Variants in PTPRB observed in about 807,000 individuals in gnomAD.
The protein encoded by PTPRB is protein tyrosine phosphatase receptor type B.
PTPRB carries 97 observed loss-of-function variants against 238.1 expected under a neutral mutation model. The observed-to-expected ratio is 0.41, with a 90% confidence interval of 0.35 to 0.48. The LOEUF (loss-of-function observed/expected upper bound fraction) is 0.48. PTPRB is among the 20% of genes least tolerant of loss of function. The pLI is 0.30. For missense variants in PTPRB, 2,292 were observed against 2,681.9 expected (o/e 0.85, Z 3.21); for synonymous variants, 970 against 995.4 (o/e 0.97, Z 0.48).
At chr12:70,622,151 TAC>T (rs1166264943) in intron 3 of PTPRB, among the ~76,000 whole-genome samples, 1 of 152,202 alleles carries the variant, frequency 6.6e-6, no homozygotes, top group Non-Finnish European at 1.5e-5. Flanking sequence ...ATGGCCAACA[TAC>T]AGTTATTCCA....
chr12:70,530,069 TATC>T (rs1872962040), intron 32 of PTPRB, among the ~76,000 whole-genome samples: 1 of 152,038 alleles, frequency 6.6e-6, no homozygotes, highest in Non-Finnish European at 1.5e-5. Flanking sequence ...AACAAATAAA[TATC>T]ATGGAAAACA....
rs201851289 is a variant in PTPRB at position 70,596,004 on chromosome 12, A to G, written c.1258+45T>C. On this transcript the variant is annotated intron_variant, in intron 5 of 33. Coordinates refer to ENST00000334414, the MANE Select transcript of PTPRB (RefSeq NM_001109754.4). ...ATTCCTTGAATAAAGTATAACTTGAAAAGTATCCTATTAACTACTCAGCTA... is the reference window on the plus strand; with the variant it reads ...ATTCCTTGAATAAAGTATAACTTGAGAAGTATCCTATTAACTACTCAGCTA... The G allele has an allele frequency of 1.2e-5, 17 of 1,425,232 alleles. No homozygotes were observed. In the Admixed American group the frequency reaches 3.0e-4, roughly 25 times the overall value. 88.3% of individuals were successfully genotyped at this position (1,425,232 alleles called of 1,614,324 possible). A position where few individuals can be genotyped will look rare whatever the true frequency, so the allele number is the denominator to read the frequency against.
intron 5 of PTPRB, 28 bp from the exon 6 acceptor site, chr12:70,594,752 G>C: frequency 6.2e-7 from 1 of 1,610,944 alleles, no homozygotes; most frequent in Non-Finnish European, 8.5e-7. Context: ...ATGTCCAAAT[G>C]TCATTAATAA....
chr12:70,614,280 A>T (rs1444486095), intron 3 of PTPRB, among the ~76,000 whole-genome samples: 5 of 152,124 alleles, frequency 3.3e-5, no homozygotes, highest in Non-Finnish European at 5.9e-5. Context: ...TTATACCCTA[A>T]ACCCTGTACT....
At chr12:70,592,024 G>A in intron 7 of PTPRB, 1 of 529,860 alleles carries the variant, frequency 1.9e-6, no homozygotes, top group Non-Finnish European at 3.4e-6. Context: ...TGGTATCAAT[G>A]CTAATGCATT....
chr12:70,532,294 C>T, intron 31 of PTPRB, 124 bp from the exon 32 acceptor site: 4 of 1,250,452 alleles, frequency 3.2e-6, no homozygotes, highest in Non-Finnish European at 4.3e-6. Context: ...AGGAATATTT[C>T]TTTCTCTCAA....
At chr12:70,537,502 A>AT (rs1485145755) in intron 28 of PTPRB, among the ~76,000 whole-genome samples, 20 of 152,258 alleles carry the variant, frequency 1.3e-4, no homozygotes, top group South Asian at 6.2e-4. Context: ...ATCTTATCCC[A>AT]TGCCTGTAAA....
rs761685924 is a variant in PTPRB at position 70,544,700 on chromosome 12, T to C, written c.5388-37A>G. On this transcript the variant is annotated intron_variant, in intron 21 of 33. Transcript: ENST00000334414. ...ACCGATTTATTTAAATATAAATTAG[T>C]TGTTGAACACAGTAGCTGAAAAATG... 3.1e-5 allele frequency: 44 copies of C among 1,413,148 alleles called. No homozygotes were observed. In the South Asian group the frequency reaches 5.3e-4, roughly 17 times the overall value. 87.5% of individuals were successfully genotyped at this position (1,413,148 alleles called of 1,614,324 possible).
chr12:70,613,895 A>T (rs181601650), intron 3 of PTPRB, among the ~76,000 whole-genome samples: 1 of 152,296 alleles, frequency 6.6e-6, no homozygotes. Flanking sequence ...TAGAATCTTA[A>T]ATACTATCCT....
Position 70,609,180 on chromosome 12 carries a change from G to A in PTPRB, c.868C>T (p.Arg290Trp), listed in dbSNP as rs910802831. 6.2e-7 allele frequency: 1 copy of A among 1,613,920 alleles called. No homozygotes were observed. Among genetic ancestry groups the A allele is most frequent in the African/African-American group, 1.3e-5 (1 of 74,930 alleles). The change falls in exon 4 of 34, where the codon CGG (arginine) becomes TGG (tryptophan). Residue 290 changes from arginine to tryptophan, a missense_variant. Coordinates refer to ENST00000334414, the MANE Select transcript of PTPRB (RefSeq NM_001109754.4). ...TLGAALCPTFRIDNTTYGCNL... is the reference protein window; with the variant it reads ...TLGAALCPTFWIDNTTYGCNL... Reference sequence around the variant, plus strand: ...CATCCGTATGTGGTGTTGTCTATCCGAAAGGTAGGGCACAACGCGGCCCCC... The same window carrying A: ...CATCCGTATGTGGTGTTGTCTATCCAAAAGGTAGGGCACAACGCGGCCCCC...
At chr12:70,593,475 T>C (rs1214113350) in intron 6 of PTPRB, among the ~76,000 whole-genome samples, 1 of 134,512 alleles carries the variant, frequency 7.4e-6, no homozygotes, top group East Asian at 2.1e-4. Context: ...ATCGCACCAT[T>C]GCACTCCAGC....
rs772375014 is a variant in PTPRB, at chr12:70,592,203, T to C, written c.1780+79A>G. 16 of 1,583,092 alleles carry C rather than the reference T, an allele frequency of 1.0e-5. No individual in the cohort carries two copies. In the African/African-American group the frequency reaches 2.2e-4, roughly 21 times the overall value. On this transcript the variant is annotated intron_variant, in intron 7 of 33. Transcript: ENST00000334414. ...CAGATTGGGAAAGGAGTTTTCCTGCTGACTTATTTTGTCCTATTTTAAGGT... is the reference window on the plus strand; with the variant it reads ...CAGATTGGGAAAGGAGTTTTCCTGCCGACTTATTTTGTCCTATTTTAAGGT...
intron 2 of PTPRB, among the ~76,000 whole-genome samples, chr12:70,629,212 C>T (rs957324623): frequency 6.6e-6 from 1 of 152,078 alleles, no homozygotes; most frequent in African/African-American, 2.4e-5. Flanking sequence ...TACTCCTCAG[C>T]AAATGTAAAA....
At position 70,594,471 on chromosome 12, in the gene PTPRB, C is replaced by G. The variant is rs1312370516; in HGVS notation, c.1512G>C (p.Arg504Ser). The change falls in exon 6 of 34, where the codon AGG (arginine) becomes AGC (serine). Residue 504 changes from arginine to serine, a missense_variant. Around this residue, in one of 4 missense-constraint regions of PTPRB, gnomAD observed 1,205 missense variants for 1,287.8 expected, o/e 0.94. Coordinates refer to ENST00000334414, the MANE Select transcript of PTPRB (RefSeq NM_001109754.4). ...GLQNYRWKLV[R>S]TAPMEVSNLK... ...AGCTAGCTAGGGGGAACTTACCTGTCCTGACTAGTTTCCACCTGTAGTTTT... is the reference window on the plus strand; with the variant it reads ...AGCTAGCTAGGGGGAACTTACCTGTGCTGACTAGTTTCCACCTGTAGTTTT... 1.2e-6 allele frequency: 2 copies of G among 1,613,962 alleles called. No homozygotes were observed. Among genetic ancestry groups the G allele is most frequent in the South Asian group, 1.1e-5 (1 of 91,080 alleles).
Position 70,519,180 on chromosome 12 carries a change from C to G in PTPRB, c.*2309G>C, listed in dbSNP as rs1871419809. ...CCCTGTCATGTCCATTTACATAATT[C>G]TGATACTACCCTAGATGTTGCCAGA... On this transcript the variant is annotated 3_prime_UTR_variant, in exon 34 of 34. Transcript: ENST00000334414. 1 of 152,088 alleles carries G rather than the reference C, an allele frequency of 6.6e-6. No individual in the cohort carries two copies. The highest frequency in any genetic ancestry group is 2.4e-5 in the African/African-American group (1 of 41,396). 9.4% of individuals were successfully genotyped at this position (152,088 alleles called of 1,614,324 possible). A position where few individuals can be genotyped will look rare whatever the true frequency, so the allele number is the denominator to read the frequency against.
chr12:70,539,733 A>G (rs1192710310), intron 25 of PTPRB, 27 bp from the exon 26 acceptor site: 1 of 1,598,276 alleles, frequency 6.3e-7, no homozygotes, highest in Non-Finnish European at 8.6e-7. Flanking sequence ...AACAAACAGA[A>G]AAGAGTTACT....
intron 14 of PTPRB, among the ~76,000 whole-genome samples, chr12:70,567,100 A>G (rs1879403484): frequency 1.3e-5 from 2 of 152,172 alleles, no homozygotes. Flanking sequence ...ACTAACATTA[A>G]CTAAGGTCAA....
rs1412933973 is a variant in PTPRB, at chr12:70,556,053, T to A, written c.4810A>T (p.Ser1604Cys). ...IPPDSDFDGY[S>C]IECRKMDTQE... ...GTGTCCATTTTCCGGCATTCAATAC[T>A]ATAACCATCAAAGTCAGAATCAGGA... is the stretch of plus-strand genomic sequence containing the variant. Residue 1604 changes from serine to cysteine, a missense_variant, in exon 19 of 34, where the codon AGT becomes TGT. Ser to Cys is a moderately radical substitution (Grantham distance 112). This residue lies in a region of PTPRB where 683 missense variants were observed against 862.0 expected (regional missense o/e 0.79). Transcript: ENST00000334414. 23 of 1,613,884 alleles carry A rather than the reference T, an allele frequency of 1.4e-5. No individual in the cohort carries two copies. The East Asian group carries it at 5.1e-4, about 36-fold the overall frequency.
intron 2 of PTPRB, among the ~76,000 whole-genome samples, chr12:70,631,495 A>G (rs952582153): frequency 2.0e-5 from 3 of 152,318 alleles, no homozygotes; most frequent in Non-Finnish European, 4.4e-5. Flanking sequence ...AACCTAGGCA[A>G]TACCATTCAG....
Sources: gnomAD v4.1 joint callset for allele counts (sites outside exome capture counted in the v4.1 genomes callset) on GRCh38, gnomAD v4.1.1 for gene constraint, gnomAD v4.1.1 regional missense constraint, MANE v1.5 for transcripts, NCBI Gene and HGNC (gene_info 2026-07-23, HGNC 2026-07-21) for gene names.